Variants in PIP5K1B observed in about 807,000 individuals in gnomAD.
The protein encoded by PIP5K1B is phosphatidylinositol 4-phosphate 5-kinase type-1 beta.
PIP5K1B carries 42 observed loss-of-function variants against 67.0 expected under a neutral mutation model. That is an observed-to-expected ratio of 0.63 (90% CI 0.49 to 0.81). The LOEUF (loss-of-function observed/expected upper bound fraction) is 0.81. Ranked by LOEUF, PIP5K1B falls within the 30% of genes least tolerant of loss-of-function variation. The pLI is 0.00. For synonymous variants in PIP5K1B, 214 were observed against 231.4 expected, an observed-to-expected ratio of 0.92 and a Z score of 0.68; for missense variants, 459 against 646.3, an observed-to-expected ratio of 0.71 and a Z score of 3.14.
At chr9:68,885,241 G>A (rs995126010) in intron 6 of PIP5K1B, among the ~76,000 whole-genome samples, 13 of 152,198 alleles carry the variant, frequency 8.5e-5, no homozygotes, top group African/African-American at 2.9e-4. Context: ...TCACTTACTT[G>A]TGGAATCTAG....
At chr9:68,946,322 A>T (rs10735638) in intron 14 of PIP5K1B, among the ~76,000 whole-genome samples, 6 of 152,144 alleles carry the variant, frequency 3.9e-5, no homozygotes, top group East Asian at 3.9e-4. Context: ...CACAGCCCCT[A>T]GTAGGATGAT....
intron 5 of PIP5K1B, among the ~76,000 whole-genome samples, chr9:68,875,314 A>C (rs989557872): frequency 5.3e-5 from 8 of 150,894 alleles, no homozygotes; most frequent in African/African-American, 1.9e-4. Flanking sequence ...AAAAAAAAAA[A>C]AAAAAAAAAA....
chr9:68,789,581 T>C (rs890990789), intron 2 of PIP5K1B: 3 of 473,298 alleles, frequency 6.3e-6, no homozygotes, highest in African/African-American at 4.0e-5. Context: ...CAAAAAAGTA[T>C]TCACAAACAG....
intron 3 of PIP5K1B, 122 bp downstream of exon 3, chr9:68,818,667 C>T (rs1022022273): frequency 6.6e-5 from 10 of 151,858 alleles, no homozygotes; most frequent in African/African-American, 2.4e-4. Context: ...TAACCTTTAA[C>T]TCTGACATCA....
At chr9:69,002,910 G>T (rs574821524) in intron 15 of PIP5K1B, among the ~76,000 whole-genome samples, 1 of 152,332 alleles carries the variant, frequency 6.6e-6, no homozygotes, top group East Asian at 1.9e-4. Context: ...TTGAACGCAG[G>T]AGGCGGAGGT....
intron 1 of PIP5K1B, among the ~76,000 whole-genome samples, chr9:68,735,316 CTTT>C (rs558810934): frequency 4.0e-4 from 12 of 29,804 alleles, no homozygotes; most frequent in Admixed American, 1.1e-3. Flanking sequence ...CCCCTAGTGT[CTTT>C]TTTTTTTTTT....
At chr9:68,764,143 A>G (rs528637648) in intron 2 of PIP5K1B, among the ~76,000 whole-genome samples, 3 of 136,182 alleles carry the variant, frequency 2.2e-5, no homozygotes, top group African/African-American at 8.4e-5. Flanking sequence ...GGAGATGTCA[A>G]TGGTTTTCCA....
Position 68,840,342 on chromosome 9 carries a change from A to T in PIP5K1B, c.69+17659A>T, listed in dbSNP as rs138625089. Reference sequence around the variant, plus strand: ...TAGTGAACTGAGATCGCGCCATTGCACTCCAGCCTGGGCAACAGGAATGAA... The same window carrying T: ...TAGTGAACTGAGATCGCGCCATTGCTCTCCAGCCTGGGCAACAGGAATGAA... On this transcript the variant is annotated intron_variant, in intron 4 of 15. Coordinates refer to ENST00000265382, the MANE Select transcript of PIP5K1B (RefSeq NM_003558.4). Among the ~76,000 whole-genome samples the T allele has an allele frequency of 2.5e-4, 38 of 151,300 alleles. No individual in the cohort carries two copies. In the East Asian group the frequency reaches 5.8e-3, roughly 23 times the overall value.
In PIP5K1B at chr9:68,793,182, T is replaced by A. The variant is rs973632339; in HGVS notation, c.-85-25279T>A. Reference sequence around the variant, plus strand: ...CAGAGTTGTTGAAGGGAAAAATAGTTAGAGGGGGGTTAGAGAGGTGGGCAA... The same window carrying A: ...CAGAGTTGTTGAAGGGAAAAATAGTAAGAGGGGGGTTAGAGAGGTGGGCAA... On this transcript the variant is annotated intron_variant, in intron 2 of 15. Transcript: ENST00000265382. Among the ~76,000 whole-genome samples, 9 of 99,014 alleles carry A rather than the reference T, an allele frequency of 9.1e-5. No homozygotes were observed. The East Asian group carries it at 3.2e-3, about 35-fold the overall frequency. The allele number at this position is 99,014 out of a possible 152,430, so 65.0% of individuals were successfully genotyped here. A position where few individuals can be genotyped will look rare whatever the true frequency, so the allele number is the denominator to read the frequency against.
intron 5 of PIP5K1B, among the ~76,000 whole-genome samples, chr9:68,871,690 C>T (rs770311747): frequency 1.3e-5 from 2 of 152,110 alleles, no homozygotes; most frequent in African/African-American, 2.4e-5. Flanking sequence ...GCTAAAAATG[C>T]CCTGATGTGA....
intron 7 of PIP5K1B, among the ~76,000 whole-genome samples, chr9:68,893,476 G>A (rs952854784): frequency 6.6e-6 from 1 of 151,794 alleles, no homozygotes; most frequent in South Asian, 2.1e-4. Context: ...TGGGATTACA[G>A]GCATGCGCCA....
At chr9:68,809,835 A>G (rs1270114755) in intron 2 of PIP5K1B, among the ~76,000 whole-genome samples, 1 of 152,218 alleles carries the variant, frequency 6.6e-6, no homozygotes, top group Non-Finnish European at 1.5e-5. Context: ...CCCAGAGTAA[A>G]GGACATGCCA....
At chr9:68,980,919 A>G (rs957401504) in intron 14 of PIP5K1B, among the ~76,000 whole-genome samples, 2 of 152,216 alleles carry the variant, frequency 1.3e-5, no homozygotes, top group Admixed American at 6.5e-5. Flanking sequence ...TCTTTGCATG[A>G]CCCAGCAATT....
chr9:69,004,335 TTTTGTG>T (rs777498729), intron 15 of PIP5K1B, among the ~76,000 whole-genome samples: 56 of 121,008 alleles, frequency 4.6e-4, no homozygotes, highest in Admixed American at 1.4e-3. Flanking sequence ...GTGTGTGTGT[TTTTGTG>T]TGTGTGTGTG....
At chr9:68,888,929 GCATCACGTA>G in intron 6 of PIP5K1B, 43 bp from the exon 7 acceptor site, 1 of 1,262,328 alleles carries the variant, frequency 7.9e-7, no homozygotes, top group South Asian at 1.3e-5. Flanking sequence ...CTCCTTGGAG[GCATCACGTA>G]CATCAAGTAT....
intron 6 of PIP5K1B, among the ~76,000 whole-genome samples, chr9:68,878,091 T>C (rs928554880): frequency 6.6e-6 from 1 of 151,658 alleles, no homozygotes; most frequent in Non-Finnish European, 1.5e-5. Flanking sequence ...ATTCTGTAAT[T>C]ACTGAGGGTT....
chr9:68,870,886 G>A (rs556007397), intron 5 of PIP5K1B, among the ~76,000 whole-genome samples: 2 of 152,274 alleles, frequency 1.3e-5, no homozygotes, highest in African/African-American at 4.8e-5. Flanking sequence ...TGATGGTTTG[G>A]TTACAATTTG....
intron 5 of PIP5K1B, among the ~76,000 whole-genome samples, chr9:68,867,627 T>C (rs966153858): frequency 3.3e-5 from 5 of 152,218 alleles, no homozygotes; most frequent in Admixed American, 3.3e-4. Context: ...AGTATCATGA[T>C]TGTGGTGATG....
rs567608307 is a variant in PIP5K1B, at chr9:68,738,006, T to C, written c.-242-4495T>C. On this transcript the variant is annotated intron_variant, in intron 1 of 15. Transcript: ENST00000265382. ...ATGACAGAATAATGCAATAAATTCA[T>C]AGCTGATTCTATTCATATGCCATAA... Among the ~76,000 whole-genome samples, 43 of 152,366 alleles carry C rather than the reference T, an allele frequency of 2.8e-4. No homozygotes were observed. The South Asian group carries it at 8.5e-3, about 30-fold the overall frequency.
Sources: allele counts gnomAD v4.1 joint callset (sites outside exome capture counted in the v4.1 genomes callset), GRCh38; gene constraint gnomAD v4.1.1; transcripts MANE v1.5; gene names NCBI Gene and HGNC (gene_info 2026-07-23, HGNC 2026-07-21).